HMCN1: variants seen among roughly 807,000 people sequenced by gnomAD.
HMCN1 encodes hemicentin-1.
In HMCN1, 321 loss-of-function variants were observed where a neutral mutation model predicts 625.9. The ratio of observed to expected loss-of-function variants is 0.51; its 90% CI spans 0.47 to 0.56. The LOEUF (loss-of-function observed/expected upper bound fraction) is 0.56, where lower values mean the gene tolerates loss of function less well. Ranked by LOEUF, HMCN1 falls within the 20% of genes least tolerant of loss-of-function variation. The pLI, the probability that HMCN1 is intolerant of heterozygous loss-of-function variation, is 0.00. For missense variants in HMCN1, 6,588 were observed against 6,887.3 expected (o/e 0.96, Z 1.54); for synonymous variants, 2,425 against 2,417.6 (o/e 1.00, Z -0.09).
intron 104 of HMCN1, among the ~76,000 whole-genome samples, chr1:186,181,598 C>G (rs78102921): frequency 2.4e-3 from 368 of 152,146 alleles, no homozygotes; most frequent in African/African-American, 8.6e-3. Context: ...ATGTACTTGT[C>G]ATTAGTACGT....
Position 186,136,883 on chromosome 1 carries a change from G to C in HMCN1, c.13528G>C (p.Val4510Leu). ...AGAAGATACCTCTGAATTTGAATGT[G>C]TTGCTCGAAACTTAATGGGTTCTGT... is the stretch of plus-strand genomic sequence containing the variant. ...QKEDTSEFEC[V>L]ARNLMGSVLV... Residue 4510 changes from valine to leucine, a missense_variant, in exon 87 of 107, where the codon GTT becomes CTT. Physicochemically the swap from Val to Leu is conservative, Grantham distance 32 (BLOSUM62 1). This residue lies in a region of HMCN1 where 1,954 missense variants were observed against 2,013.1 expected (regional missense o/e 0.97). Transcript: ENST00000271588. The C allele has an allele frequency of 6.2e-7, 1 of 1,614,038 alleles. No homozygotes were observed. Among genetic ancestry groups the C allele is most frequent in the Non-Finnish European group, 8.5e-7 (1 of 1,179,958 alleles).
In HMCN1 at chr1:186,093,639, T is replaced by TCCGG; in HGVS notation, c.10167_10170dup (p.Leu3391ProfsTer18). The TCCGG allele has an allele frequency of 1.2e-6, 2 of 1,613,338 alleles. No homozygotes were observed. Among genetic ancestry groups the TCCGG allele is most frequent in the Non-Finnish European group, 1.7e-6 (2 of 1,179,542 alleles). On this transcript the variant is annotated frameshift_variant, in exon 66 of 107. Transcript: ENST00000271588. LOFTEE classifies it high-confidence loss of function. ...CTTCCTCTGCCTCTCTCCTCCCATA[T>TCCGG]CCGGTTACTGGCAGCAGGACAAGTT...
At chr1:185,760,595 C>T (rs1015487908) in intron 1 of HMCN1, among the ~76,000 whole-genome samples, 9 of 152,044 alleles carry the variant, frequency 5.9e-5, no homozygotes, top group African/African-American at 2.2e-4. Context: ...CAGAATGCAA[C>T]AATTAATGAG....
intron 1 of HMCN1, among the ~76,000 whole-genome samples, chr1:185,762,278 G>C (rs1217977327): frequency 6.6e-6 from 1 of 152,118 alleles, no homozygotes; most frequent in Non-Finnish European, 1.5e-5. Flanking sequence ...GCAATCATTT[G>C]TTTCAGTGAA....
chr1:185,774,891 T>A (rs995227475), intron 1 of HMCN1, among the ~76,000 whole-genome samples: 18 of 152,208 alleles, frequency 1.2e-4, no homozygotes, highest in Non-Finnish European at 2.4e-4. Flanking sequence ...CAATTTATCA[T>A]CTTTCAGGGA....
chr1:186,145,986 GC>G, intron 93 of HMCN1, 63 bp downstream of exon 93: 1 of 1,535,750 alleles, frequency 6.5e-7, no homozygotes, highest in Non-Finnish European at 8.9e-7. Context: ...AGAGAAAGGT[GC>G]CACAAATTAC....
chr1:186,105,127 TCCATA>T (rs1240117359), intron 69 of HMCN1, among the ~76,000 whole-genome samples: 1 of 152,132 alleles, frequency 6.6e-6, no homozygotes. Flanking sequence ...TTGTGGAGAA[TCCATA>T]AGACCTAAGA....
intron 4 of HMCN1, among the ~76,000 whole-genome samples, chr1:185,901,345 C>CT (rs1350946026): frequency 5.9e-5 from 9 of 151,468 alleles, no homozygotes; most frequent in African/African-American, 1.7e-4. Context: ...TTTTTTCTTT[C>CT]TTTTTCTGGG....
intron 4 of HMCN1, among the ~76,000 whole-genome samples, chr1:185,895,977 A>G (rs1324659116): frequency 2.0e-5 from 3 of 150,934 alleles, no homozygotes; most frequent in Non-Finnish European, 4.4e-5. Flanking sequence ...TCTCTGTCGC[A>G]CAGGCTAGAG....
intron 11 of HMCN1, among the ~76,000 whole-genome samples, chr1:185,943,179 C>T (rs549947013): frequency 5.9e-5 from 9 of 152,150 alleles, no homozygotes; most frequent in Non-Finnish European, 7.4e-5. Context: ...TGTTTTCCTG[C>T]GCTCCGAGAG....
intron 53 of HMCN1, 23 bp from the exon 54 acceptor site, chr1:186,076,405 C>A (rs1173178502): frequency 1.2e-6 from 2 of 1,605,586 alleles, no homozygotes; most frequent in East Asian, 4.5e-5. Flanking sequence ...ATGTGACCAA[C>A]ATTTAATGCC....
intron 15 of HMCN1, among the ~76,000 whole-genome samples, chr1:185,976,375 T>C (rs957042581): frequency 6.6e-6 from 1 of 152,098 alleles, no homozygotes; most frequent in African/African-American, 2.4e-5. Flanking sequence ...AGGGAAATAA[T>C]AGGAGATGAG....
chr1:185,738,133 T>C (rs1489481218), intron 1 of HMCN1, among the ~76,000 whole-genome samples: 1 of 152,216 alleles, frequency 6.6e-6, no homozygotes, highest in Non-Finnish European at 1.5e-5. Context: ...TGTATTTATT[T>C]TTAATGGTTT....
rs1472900270 is a variant in HMCN1, at chr1:186,151,180, G to T, written c.14609-20G>T. On this transcript the variant is annotated intron_variant, in intron 93 of 106. Coordinates refer to ENST00000271588, the MANE Select transcript of HMCN1 (RefSeq NM_031935.3). Reference sequence around the variant, plus strand: ...TGAAATTGCATCCTTATCCAGGAATGTTTTTTTTTCCCCCAATAGGTGGGC... The same window carrying T: ...TGAAATTGCATCCTTATCCAGGAATTTTTTTTTTTCCCCCAATAGGTGGGC... 2 of 1,592,294 alleles carry T rather than the reference G, an allele frequency of 1.3e-6. No individual in the cohort carries two copies. Among genetic ancestry groups the T allele is most frequent in the Non-Finnish European group, 8.6e-7 (1 of 1,163,266 alleles).
chr1:185,884,128 G>A lies in HMCN1; in HGVS notation c.621+18265G>A, dbSNP rs146231895. ...GATAATTTAGTTCTACTTATAAGATGTGGCCCTTTTGTGGCCTCCTCTAAT... is the reference window on the plus strand; with the variant it reads ...GATAATTTAGTTCTACTTATAAGATATGGCCCTTTTGTGGCCTCCTCTAAT... On this transcript the variant is annotated intron_variant, in intron 4 of 106. Coordinates refer to ENST00000271588, the MANE Select transcript of HMCN1 (RefSeq NM_031935.3). Among the ~76,000 whole-genome samples the A allele has an allele frequency of 1.8e-4, 28 of 151,710 alleles. No homozygotes were observed. In the East Asian group the frequency reaches 4.6e-3, roughly 25 times the overall value.
chr1:186,059,961 A>G (rs952156577), intron 46 of HMCN1, among the ~76,000 whole-genome samples: 2 of 152,078 alleles, frequency 1.3e-5, no homozygotes, highest in African/African-American at 4.8e-5. Context: ...ATACCTCTCA[A>G]CTGGAATCAT....
intron 1 of HMCN1, among the ~76,000 whole-genome samples, chr1:185,779,994 C>A (rs960986998): frequency 2.6e-5 from 4 of 152,174 alleles, no homozygotes; most frequent in African/African-American, 9.7e-5. Flanking sequence ...GAATGTTCTT[C>A]CATTTGTTTG....
intron 89 of HMCN1, among the ~76,000 whole-genome samples, chr1:186,142,438 T>G (rs948015747): frequency 2.0e-5 from 3 of 152,340 alleles, no homozygotes; most frequent in African/African-American, 7.2e-5. Context: ...GCTTCTGTCT[T>G]TACTATTGTA....
chr1:185,942,117 G>C (rs1374754212), intron 11 of HMCN1, among the ~76,000 whole-genome samples: 1 of 151,274 alleles, frequency 6.6e-6, no homozygotes, highest in African/African-American at 2.4e-5. Context: ...CTTACACCCG[G>C]GAGGCGGAGG....
Sources: gnomAD v4.1 joint callset for allele counts (sites outside exome capture counted in the v4.1 genomes callset) on GRCh38, gnomAD v4.1.1 for gene constraint, gnomAD v4.1.1 regional missense constraint, MANE v1.5 for transcripts, NCBI Gene and HGNC (gene_info 2026-07-23, HGNC 2026-07-21) for gene names.